MMP24: variants seen among roughly 807,000 people sequenced by gnomAD.
MMP24 encodes the protein matrix metalloproteinase-24.
A neutral mutation model predicts 62.8 loss-of-function variants in MMP24; 25 were observed. The observed-to-expected ratio is 0.40, with a 90% CI of 0.29 to 0.56. The LOEUF is 0.56. Among genes scored for constraint, MMP24 ranks in the 20% least tolerant of loss-of-function variants. The probability of loss-of-function intolerance (pLI) is 0.50; values close to 1 mark genes in which losing one functional copy is unlikely to be tolerated. For synonymous variants in MMP24, 319 were observed against 350.5 expected, an observed-to-expected ratio of 0.91 and a Z score of 1.00; for missense variants, 634 against 853.6, an observed-to-expected ratio of 0.74 and a Z score of 3.21.
chr20:35,242,819 C>A (rs113724323), intron 1 of MMP24, among the ~76,000 whole-genome samples: 12 of 152,288 alleles, frequency 7.9e-5, no homozygotes, highest in African/African-American at 2.9e-4. Flanking sequence ...CTCCATAGGA[C>A]CCACAAGAAC....
At chr20:35,259,938 G>A (rs748122716) in intron 4 of MMP24, among the ~76,000 whole-genome samples, 9 of 152,088 alleles carry the variant, frequency 5.9e-5, no homozygotes, top group Non-Finnish European at 1.3e-4. Flanking sequence ...TCCCTATGAC[G>A]AAGGTGCCAT....
At chr20:35,245,183 T>C (rs1251823125) in intron 1 of MMP24, among the ~76,000 whole-genome samples, 3 of 152,110 alleles carry the variant, frequency 2.0e-5, no homozygotes, top group African/African-American at 7.2e-5. Flanking sequence ...CACACCAGCA[T>C]GCACAGCTAA....
rs192136051 is a variant in MMP24 at position 35,250,468 on chromosome 20, C to T, written c.396-1437C>T. ...CCAGCTACTACTCAGGAGGTTGAGG[C>T]AGGAGAATTGCTTGAACTTGGGAGG... On this transcript the variant is annotated intron_variant, in intron 2 of 8. Coordinates refer to ENST00000246186, the MANE Select transcript of MMP24 (RefSeq NM_006690.4). 2.3e-3 allele frequency among the ~76,000 whole-genome samples: 355 copies of T among 151,406 alleles called. 1 individual carries two copies. The highest frequency in any genetic ancestry group is 8.1e-3 in the African/African-American group (333 of 41,192).
chr20:35,260,530 G>A (rs1441792618), intron 4 of MMP24, among the ~76,000 whole-genome samples: 1 of 152,192 alleles, frequency 6.6e-6, no homozygotes, highest in Non-Finnish European at 1.5e-5. Context: ...AATAGCCCAG[G>A]AGCACAGCCA....
chr20:35,234,091 C>A (rs540351081), intron 1 of MMP24, among the ~76,000 whole-genome samples: 1 of 152,350 alleles, frequency 6.6e-6, no homozygotes, highest in Non-Finnish European at 1.5e-5. Flanking sequence ...CCATTGGTCA[C>A]TAGACTCCAG....
chr20:35,271,489 GT>G lies in MMP24; in HGVS notation c.1334-76del. On this transcript the variant is annotated intron_variant, in intron 7 of 8. Coordinates refer to ENST00000246186, the MANE Select transcript of MMP24 (RefSeq NM_006690.4). The surrounding 1 kb of genome is among the most constrained non-coding windows in gnomAD (Gnocchi z 4.0). The stretch of plus-strand genomic sequence containing the variant: ...GCCAAGGGGCTGAGGGCATCAGACT[GT>G]TTTCACCTGACACCCTGAAGATGGG... 1.3e-6 allele frequency: 2 copies of G among 1,525,238 alleles called. No individual in the cohort carries two copies. The highest frequency in any genetic ancestry group is 8.9e-7 in the Non-Finnish European group (1 of 1,129,606). The allele number at this position is 1,525,238 out of a possible 1,614,324, so 94.5% of individuals were successfully genotyped here.
At chr20:35,235,395 C>A (rs1406472463) in intron 1 of MMP24, among the ~76,000 whole-genome samples, 1 of 151,240 alleles carries the variant, frequency 6.6e-6, no homozygotes, top group Non-Finnish European at 1.5e-5. Context: ...TAGAGTGAAA[C>A]CCTGTCTTAA....
At chr20:35,267,934 G>A (rs1393322013) in intron 6 of MMP24, 1 of 155,354 alleles carries the variant, frequency 6.4e-6, no homozygotes, top group African/African-American at 2.4e-5. Context: ...CAGGGTGGCA[G>A]TCTGCTTGAC....
chr20:35,268,894 G>A (rs1039169503), intron 6 of MMP24, among the ~76,000 whole-genome samples: 3 of 152,196 alleles, frequency 2.0e-5, no homozygotes, highest in Non-Finnish European at 4.4e-5. Flanking sequence ...GGGTGTGGTG[G>A]CGGGCGCCTG....
chr20:35,274,693 C>T lies in MMP24; in HGVS notation c.*84C>T. 8.2e-7 allele frequency: 1 copy of T among 1,221,788 alleles called. No homozygotes were observed. Among genetic ancestry groups the T allele is most frequent in the Non-Finnish European group, 1.1e-6 (1 of 883,022 alleles). 75.7% of individuals were successfully genotyped at this position (1,221,788 alleles called of 1,614,324 possible). A position where few individuals can be genotyped will look rare whatever the true frequency, so the allele number is the denominator to read the frequency against. On this transcript the variant is annotated 3_prime_UTR_variant, in exon 9 of 9. Transcript: ENST00000246186. The surrounding 1 kb of genome is among the most constrained non-coding windows in gnomAD (Gnocchi z 5.1). Reference sequence around the variant, plus strand: ...GTCTGAGGGGCAGCTCTGGCCAGTGCTCACCAGGGCCAGCAGGGCCCTAGG... The same window carrying T: ...GTCTGAGGGGCAGCTCTGGCCAGTGTTCACCAGGGCCAGCAGGGCCCTAGG...
chr20:35,257,746 C>T (rs1488189830), intron 4 of MMP24, among the ~76,000 whole-genome samples: 1 of 152,190 alleles, frequency 6.6e-6, no homozygotes, highest in African/African-American at 2.4e-5. Context: ...CAACCCTAAC[C>T]TTCATGAAAG....
In MMP24 at chr20:35,276,998, A is replaced by G. The variant is rs1348253230; in HGVS notation, c.*2389A>G. On this transcript the variant is annotated 3_prime_UTR_variant, in exon 9 of 9. Transcript: ENST00000246186. The stretch of plus-strand genomic sequence containing the variant: ...ATTTCTAAATAAAACAGAAATACAG[A>G]GTGTGTCATTTCCCTGGGATGAGGG... 1 of 152,666 alleles carries G rather than the reference A, an allele frequency of 6.6e-6. No homozygotes were observed. Among genetic ancestry groups the G allele is most frequent in the Non-Finnish European group, 1.5e-5 (1 of 68,054 alleles). The allele number at this position is 152,666 out of a possible 1,614,324, so 9.5% of individuals were successfully genotyped here.
chr20:35,263,192 A>C (rs1600799120), intron 4 of MMP24: 1 of 150,484 alleles, frequency 6.6e-6, no homozygotes, highest in Non-Finnish European at 1.5e-5. Flanking sequence ...TAATTGTATC[A>C]CCACCCCCAC....
At chr20:35,244,948 T>A (rs1003882419) in intron 1 of MMP24, among the ~76,000 whole-genome samples, 8 of 149,954 alleles carry the variant, frequency 5.3e-5, no homozygotes, top group Non-Finnish European at 7.4e-5. Context: ...CTTTTTTATT[T>A]AAAAAAAAAA....
At position 35,226,957 on chromosome 20, in the gene MMP24, C is replaced by T; in HGVS notation, c.219C>T (p.Asp73=). The T allele has an allele frequency of 1.0e-6, 1 of 978,922 alleles. No homozygotes were observed. The highest frequency in any genetic ancestry group is 1.8e-5 in the African/African-American group (1 of 56,172). The allele number at this position is 978,922 out of a possible 1,614,324, so 60.6% of individuals were successfully genotyped here. A position where few individuals can be genotyped will look rare whatever the true frequency, so the allele number is the denominator to read the frequency against. Residue 73 remains aspartate, a synonymous_variant, in exon 1 of 9, where the codon GAC becomes GAT. Transcript: ENST00000246186. The part of the protein sequence containing the change: ...AAVAVAVARA[D]EAEAPFAGQN... ...TGGCGGTGGCGGTGGCGCGGGCGGA[C>T]GAGGCGGAGGCGCCCTTCGCCGGGC...
intron 1 of MMP24, among the ~76,000 whole-genome samples, chr20:35,233,774 G>A (rs6058209): frequency 0.47 from 70,741 of 151,890 alleles, 20,078 homozygotes; most frequent in African/African-American, 0.81. Flanking sequence ...ACTTGAGTCC[G>A]GGAGTTTGAG....
intron 4 of MMP24, among the ~76,000 whole-genome samples, chr20:35,259,352 T>C (rs533730974): frequency 4.6e-4 from 70 of 152,310 alleles, no homozygotes; most frequent in Non-Finnish European, 8.8e-4. Context: ...TTTGGCGCTG[T>C]TCCATTCCGG....
At chr20:35,227,688 A>C (rs2146195043) in intron 1 of MMP24, among the ~76,000 whole-genome samples, 1 of 152,352 alleles carries the variant, frequency 6.6e-6, no homozygotes, top group East Asian at 1.9e-4. Context: ...CATCATCACA[A>C]TAATGCCAGC....
chr20:35,264,923 C>G (rs1384627871), intron 5 of MMP24, among the ~76,000 whole-genome samples: 3 of 152,172 alleles, frequency 2.0e-5, no homozygotes, highest in East Asian at 3.9e-4. Context: ...GCACCCACAG[C>G]CCACAGGCTA....
Sources: allele counts gnomAD v4.1 joint callset (sites outside exome capture counted in the v4.1 genomes callset), GRCh38; gene constraint gnomAD v4.1.1; non-coding constraint Gnocchi (gnomAD v3.1); transcripts MANE v1.5; gene names NCBI Gene and HGNC (gene_info 2026-07-23, HGNC 2026-07-21).